The following LARS2 variants were observed in gnomAD, a reference collection of about 807,000 sequenced individuals.
LARS2 encodes leucine--tRNA ligase, mitochondrial.
A neutral mutation model predicts 116.6 loss-of-function variants in LARS2; 81 were observed. The ratio of observed to expected loss-of-function variants is 0.69; its 90% CI spans 0.58 to 0.84. The LOEUF is 0.84. Ranked by LOEUF, LARS2 falls within the 40% of genes least tolerant of loss-of-function variation. The probability of loss-of-function intolerance (pLI) is 0.00; values close to 1 mark genes in which losing one functional copy is unlikely to be tolerated. For missense variants in LARS2, 968 were observed against 1,114.5 expected (o/e 0.87, Z 1.87); for synonymous variants, 396 against 407.2 (o/e 0.97, Z 0.33).
chr3:45,414,618 C>T (rs1037095419), intron 4 of LARS2, among the ~76,000 whole-genome samples: 2 of 152,006 alleles, frequency 1.3e-5, no homozygotes, highest in African/African-American at 4.8e-5. Flanking sequence ...GCCTGTAATC[C>T]TGGCACTTTG....
At chr3:45,458,198 G>T (rs1413486243) in intron 7 of LARS2, among the ~76,000 whole-genome samples, 1 of 151,656 alleles carries the variant, frequency 6.6e-6, no homozygotes, top group Admixed American at 6.6e-5. Context: ...TTTCATATAA[G>T]ATACCAAAGT....
At chr3:45,539,521 C>T (rs1053177593) in intron 20 of LARS2, among the ~76,000 whole-genome samples, 2 of 152,094 alleles carry the variant, frequency 1.3e-5, no homozygotes, top group Non-Finnish European at 2.9e-5. Flanking sequence ...GTCTCAGCTA[C>T]TCAGGAGGCT....
intron 21 of LARS2, among the ~76,000 whole-genome samples, chr3:45,542,985 G>A (rs146505942): frequency 6.6e-6 from 1 of 152,360 alleles, no homozygotes; most frequent in East Asian, 1.9e-4. Context: ...CCCCACAGAG[G>A]TTGGCCAGCC....
chr3:45,469,201 C>T (rs537477204), intron 8 of LARS2, among the ~76,000 whole-genome samples: 2 of 152,298 alleles, frequency 1.3e-5, no homozygotes, highest in Non-Finnish European at 2.9e-5. Context: ...TGTGATGCTA[C>T]AACAAATGGA....
chr3:45,453,932 G>C (rs1699175813), intron 7 of LARS2, among the ~76,000 whole-genome samples: 1 of 152,052 alleles, frequency 6.6e-6, no homozygotes, highest in African/African-American at 2.4e-5. Context: ...GAGTAGCCAA[G>C]GGCCAGAGGA....
intron 4 of LARS2, among the ~76,000 whole-genome samples, chr3:45,403,861 T>G (rs1400943578): frequency 2.0e-5 from 3 of 152,210 alleles, no homozygotes; most frequent in Non-Finnish European, 2.9e-5. Flanking sequence ...GCCAAGCGAC[T>G]CTACAGAGTC....
intron 20 of LARS2, among the ~76,000 whole-genome samples, chr3:45,528,572 C>T (rs1353123255): frequency 6.6e-6 from 1 of 152,220 alleles, no homozygotes; most frequent in African/African-American, 2.4e-5. Flanking sequence ...AGGTTCCCCA[C>T]ACCATTAGTC....
chr3:45,445,966 G>A (rs1699011140), intron 6 of LARS2, among the ~76,000 whole-genome samples: 1 of 152,148 alleles, frequency 6.6e-6, no homozygotes, highest in South Asian at 2.1e-4. Flanking sequence ...CCCAGCTACT[G>A]GGGAGGCTGA....
chr3:45,542,607 A>G (rs919137040), intron 21 of LARS2, among the ~76,000 whole-genome samples: 2 of 152,280 alleles, frequency 1.3e-5, no homozygotes, highest in Non-Finnish European at 2.9e-5. Context: ...TTGGAACCAC[A>G]TGTCTCCCCG....
intron 19 of LARS2, among the ~76,000 whole-genome samples, chr3:45,523,717 C>T (rs967678881): frequency 3.3e-5 from 5 of 151,304 alleles, no homozygotes; most frequent in African/African-American, 1.2e-4. Flanking sequence ...TTTAATTTTT[C>T]ATAGAGATGA....
chr3:45,514,754 A>G (rs1191366798), intron 16 of LARS2, among the ~76,000 whole-genome samples: 3 of 152,242 alleles, frequency 2.0e-5, no homozygotes, highest in Non-Finnish European at 2.9e-5. Flanking sequence ...CTGCCCAGAA[A>G]GATACATTTT....
intron 7 of LARS2, among the ~76,000 whole-genome samples, chr3:45,449,503 C>G (rs993707243): frequency 6.6e-6 from 1 of 152,060 alleles, no homozygotes; most frequent in Non-Finnish European, 1.5e-5. Flanking sequence ...ATAACTAACC[C>G]ACACCCATGA....
intron 21 of LARS2, among the ~76,000 whole-genome samples, chr3:45,545,109 G>A (rs1291553495): frequency 6.6e-6 from 1 of 152,212 alleles, no homozygotes; most frequent in Non-Finnish European, 1.5e-5. Flanking sequence ...TTCACTTCAT[G>A]TGCCTCAGCT....
rs182799236 is a variant in LARS2 at position 45,493,248 on chromosome 3, C to T, written c.1523+1448C>T. 2.1e-3 allele frequency among the ~76,000 whole-genome samples: 322 copies of T among 152,196 alleles called. 1 individual carries two copies. The highest frequency in any genetic ancestry group is 7.2e-3 in the African/African-American group (300 of 41,514). On this transcript the variant is annotated intron_variant, in intron 13 of 21. Coordinates refer to ENST00000645846, the MANE Select transcript of LARS2 (RefSeq NM_015340.4). ...CCGAGTAGCTGGGACTACAGGTGCC[C>T]GCCACCAAGCCCGGCTAATTTTTTG...
At chr3:45,408,139 G>C (rs1698264237) in intron 4 of LARS2, among the ~76,000 whole-genome samples, 1 of 152,186 alleles carries the variant, frequency 6.6e-6, no homozygotes, top group Admixed American at 6.5e-5. Context: ...TTCTCTGTCT[G>C]TCATATGGAA....
chr3:45,513,048 C>T, intron 15 of LARS2, 87 bp from the exon 16 acceptor site: 2 of 888,186 alleles, frequency 2.3e-6, no homozygotes, highest in Non-Finnish European at 3.8e-6. Context: ...GCTACTTCTG[C>T]CCATCCGAGG....
At chr3:45,443,659 C>T (rs1007529718) in intron 6 of LARS2, among the ~76,000 whole-genome samples, 3 of 152,106 alleles carry the variant, frequency 2.0e-5, no homozygotes, top group Non-Finnish European at 2.9e-5. Context: ...AGGTGAGTCA[C>T]GCATTTCAGT....
intron 6 of LARS2, among the ~76,000 whole-genome samples, chr3:45,424,884 T>A (rs1207480153): frequency 6.6e-6 from 1 of 152,226 alleles, no homozygotes; most frequent in Non-Finnish European, 1.5e-5. Context: ...TCACCATCTC[T>A]CTCATGATTT....
At chr3:45,519,448 A>G (rs6804012) in intron 18 of LARS2, among the ~76,000 whole-genome samples, 126,235 of 143,086 alleles carry the variant, frequency 0.88, 57,942 homozygotes, top group East Asian at 1. Flanking sequence ...CTGAGATCGC[A>G]CCACTGCACT....
Sources: gnomAD v4.1 joint callset for allele counts (sites outside exome capture counted in the v4.1 genomes callset) on GRCh38, gnomAD v4.1.1 for gene constraint, MANE v1.5 for transcripts, NCBI Gene and HGNC (gene_info 2026-07-23, HGNC 2026-07-21) for gene names.